RIMBP2: variants seen among roughly 807,000 people sequenced by gnomAD.
The protein encoded by RIMBP2 is RIMS-binding protein 2.
Under a neutral mutation model 118.6 loss-of-function variants are expected in RIMBP2, and 48 were observed. That is an observed-to-expected ratio of 0.40 (90% CI 0.32 to 0.51). The LOEUF (loss-of-function observed/expected upper bound fraction) is 0.51. RIMBP2 is among the 20% of genes least tolerant of loss of function. RIMBP2 has a pLI of 0.41. For synonymous variants in RIMBP2, 762 were observed against 742.9 expected (o/e 1.03, Z -0.42); for missense variants, 1,551 against 1,768.3 (o/e 0.88, Z 2.20).
At chr12:130,605,401 T>C (rs1169480318) in intron 2 of RIMBP2, among the ~76,000 whole-genome samples, 1 of 152,160 alleles carries the variant, frequency 6.6e-6, no homozygotes, top group Non-Finnish European at 1.5e-5. Flanking sequence ...GCCAACATCA[T>C]ACATGAGGCG....
intron 1 of RIMBP2, among the ~76,000 whole-genome samples, chr12:130,629,904 T>C (rs1190218782): frequency 9.4e-6 from 1 of 105,950 alleles, no homozygotes; most frequent in East Asian, 2.5e-4. Context: ...ACCTCTAATA[T>C]GGAAGAGTAA....
chr12:130,575,235 G>A (rs1163370108), intron 2 of RIMBP2, among the ~76,000 whole-genome samples: 1 of 105,698 alleles, frequency 9.5e-6, no homozygotes, highest in African/African-American at 3.7e-5. Flanking sequence ...CCCACCCCCG[G>A]CAGTAGCCTA....
chr12:130,526,950 A>T (rs1452146828), intron 2 of RIMBP2, among the ~76,000 whole-genome samples: 3 of 152,088 alleles, frequency 2.0e-5, no homozygotes, highest in African/African-American at 7.2e-5. Flanking sequence ...AAGCCTGGAG[A>T]GGGAGCCTGA....
chr12:130,565,334 G>A (rs1397182656), intron 2 of RIMBP2, among the ~76,000 whole-genome samples: 1 of 152,160 alleles, frequency 6.6e-6, no homozygotes, highest in Non-Finnish European at 1.5e-5. Flanking sequence ...AACAGGGTAT[G>A]GAGGATTTTA....
At chr12:130,444,534 T>A (rs1227725634) in intron 10 of RIMBP2, among the ~76,000 whole-genome samples, 1 of 152,198 alleles carries the variant, frequency 6.6e-6, no homozygotes, top group African/African-American at 2.4e-5. Context: ...GGGAATCAAA[T>A]CCTTTAGAAC....
chr12:130,505,446 G>A (rs1475527395), intron 4 of RIMBP2, among the ~76,000 whole-genome samples: 1 of 149,128 alleles, frequency 6.7e-6, no homozygotes, highest in Non-Finnish European at 1.5e-5. Context: ...ATACCCCTTA[G>A]TGGTCACTCC....
chr12:130,533,852 G>A (rs115666780), intron 2 of RIMBP2, among the ~76,000 whole-genome samples: 1 of 152,156 alleles, frequency 6.6e-6, no homozygotes, highest in Non-Finnish European at 1.5e-5. Context: ...GCTAAACAGT[G>A]TCTCCACGTG....
chr12:130,460,010 G>A (rs2079834286), intron 6 of RIMBP2, among the ~76,000 whole-genome samples: 1 of 152,186 alleles, frequency 6.6e-6, no homozygotes, highest in South Asian at 2.1e-4. Context: ...ATAAGCTGCG[G>A]GTAAACTAAT....
At chr12:130,675,328 C>T (rs988547019) in intron 1 of RIMBP2, among the ~76,000 whole-genome samples, 7 of 152,320 alleles carry the variant, frequency 4.6e-5, no homozygotes, top group African/African-American at 7.2e-5. Context: ...CACAGCGCCC[C>T]GTGGAGCAGG....
intron 3 of RIMBP2, among the ~76,000 whole-genome samples, chr12:130,510,426 C>T (rs1445189118): frequency 6.6e-6 from 1 of 151,760 alleles, no homozygotes; most frequent in Non-Finnish European, 1.5e-5. Context: ...GTGAAGAGTC[C>T]AGACAGAGTC....
chr12:130,402,058 T>G (rs1000390113), intron 21 of RIMBP2, among the ~76,000 whole-genome samples: 7 of 152,212 alleles, frequency 4.6e-5, no homozygotes, highest in Non-Finnish European at 8.8e-5. Context: ...TCTTTTGGGC[T>G]GAACACACAC....
intron 1 of RIMBP2, chr12:130,633,996 T>A (rs967217172): frequency 1.2e-4 from 18 of 152,200 alleles, no homozygotes; most frequent in Admixed American, 1.2e-3. Flanking sequence ...GTCAGCTGAA[T>A]AGGATGGTAA....
chr12:130,685,127 A>G (rs2064981260), intron 1 of RIMBP2, among the ~76,000 whole-genome samples: 1 of 152,072 alleles, frequency 6.6e-6, no homozygotes, highest in African/African-American at 2.4e-5. Context: ...ACCCTCTCTT[A>G]TCTCCCCCAC....
chr12:130,684,126 C>T (rs2064938016), intron 1 of RIMBP2, among the ~76,000 whole-genome samples: 1 of 152,170 alleles, frequency 6.6e-6, no homozygotes, highest in Non-Finnish European at 1.5e-5. Context: ...TCCACAACCC[C>T]TTATCTGAAC....
intron 1 of RIMBP2, among the ~76,000 whole-genome samples, chr12:130,667,041 A>C (rs560469422): frequency 0.015 from 1,710 of 114,732 alleles, 113 homozygotes; most frequent in African/African-American, 0.056. Flanking sequence ...AAGAGGGAGG[A>C]AGGGAGGGAG....
chr12:130,397,902 A>G (rs1183188016), intron 22 of RIMBP2: 1 of 171,182 alleles, frequency 5.8e-6, no homozygotes, highest in Non-Finnish European at 1.2e-5. Context: ...ACCCATCAGT[A>G]GTCTTAAAAA....
intron 17 of RIMBP2, chr12:130,414,526 T>A: frequency 2.3e-6 from 1 of 426,698 alleles, no homozygotes; most frequent in Non-Finnish European, 4.2e-6. Flanking sequence ...CCACACTGCA[T>A]GTGAAAGCAT....
intron 7 of RIMBP2, among the ~76,000 whole-genome samples, chr12:130,455,179 G>C (rs2079321145): frequency 6.6e-6 from 1 of 152,250 alleles, no homozygotes; most frequent in Non-Finnish European, 1.5e-5. Flanking sequence ...ACAGCATGGA[G>C]ACACGTGCAT....
At chr12:130,543,598 T>C (rs2054811062) in intron 2 of RIMBP2, among the ~76,000 whole-genome samples, 1 of 152,056 alleles carries the variant, frequency 6.6e-6, no homozygotes, top group Non-Finnish European at 1.5e-5. Flanking sequence ...TGAAGATGCC[T>C]CACGAGGAAT....
Sources: gnomAD v4.1 joint callset for allele counts (sites outside exome capture counted in the v4.1 genomes callset) on GRCh38, gnomAD v4.1.1 for gene constraint, MANE v1.5 for transcripts, NCBI Gene and HGNC (gene_info 2026-07-23, HGNC 2026-07-21) for gene names.